RANBP17: variants seen among roughly 807,000 people sequenced by gnomAD.
RANBP17 encodes the protein RAN binding protein 17.
In RANBP17, 158 loss-of-function variants were observed where a neutral mutation model predicts 141.2. The observed-to-expected ratio is 1.12, with a 90% CI of 0.98 to 1.28. The LOEUF is 1.28. Ranked by LOEUF, RANBP17 falls within the 50% of genes most tolerant of loss-of-function variation. The pLI is 0.00. For missense variants in RANBP17, 1,438 were observed against 1,290.7 expected, an observed-to-expected ratio of 1.11 and a Z score of -1.75; for synonymous variants, 430 against 450.0, an observed-to-expected ratio of 0.96 and a Z score of 0.56.
intron 12 of RANBP17, among the ~76,000 whole-genome samples, chr5:170,937,592 T>A (rs2127469314): frequency 6.6e-6 from 1 of 152,346 alleles, no homozygotes; most frequent in South Asian, 2.1e-4. Context: ...TCCAGGCCAT[T>A]GCAACAACAT....
chr5:170,982,702 A>G (rs1777858376), intron 14 of RANBP17, among the ~76,000 whole-genome samples: 2 of 152,174 alleles, frequency 1.3e-5, no homozygotes, highest in Admixed American at 6.5e-5. Flanking sequence ...TCCTGTAGTG[A>G]AAGATAACAG....
chr5:171,147,745 G>A (rs1561703118), intron 14 of RANBP17, among the ~76,000 whole-genome samples: 1 of 152,132 alleles, frequency 6.6e-6, no homozygotes, highest in Non-Finnish European at 1.5e-5. Flanking sequence ...CTAAAGAAAG[G>A]TAAAATTTTT....
At chr5:171,032,805 T>C (rs564723827) in intron 14 of RANBP17, among the ~76,000 whole-genome samples, 4 of 152,218 alleles carry the variant, frequency 2.6e-5, no homozygotes, top group South Asian at 4.1e-4. Flanking sequence ...TAAAACTAAA[T>C]AGACACAAGA....
intron 14 of RANBP17, among the ~76,000 whole-genome samples, chr5:170,973,943 C>A (rs1233195643): frequency 6.6e-6 from 1 of 152,176 alleles, no homozygotes; most frequent in African/African-American, 2.4e-5. Context: ...AAAGGCCCTA[C>A]CTCTTAATAT....
chr5:171,221,393 A>G (rs192374658), intron 21 of RANBP17, among the ~76,000 whole-genome samples: 31 of 152,298 alleles, frequency 2.0e-4, no homozygotes, highest in Middle Eastern at 3.4e-3. Context: ...AATATATATC[A>G]TTATCCAAGT....
rs564121099 is a variant in RANBP17, at chr5:171,252,529, C to T, written c.2776+9709C>T. On this transcript the variant is annotated intron_variant, in intron 24 of 27. Transcript: ENST00000523189. ...TTACTGTGAAGAGTGTCGCAGCAAA[C>T]AGGAAGCACACAAACGGAGGAAAGT... is the stretch of plus-strand genomic sequence containing the variant. 26 of 1,418,166 alleles carry T rather than the reference C, an allele frequency of 1.8e-5. No homozygotes were observed. In the African/African-American group the frequency reaches 3.0e-4, roughly 16 times the overall value. The allele number at this position is 1,418,166 out of a possible 1,614,324, so 87.8% of individuals were successfully genotyped here.
rs74291522 is a variant in RANBP17, at chr5:170,987,641, C to A, written c.1710+19264C>A. On this transcript the variant is annotated intron_variant, in intron 14 of 27. Transcript: ENST00000523189. ...AAACACACATTTTATACCTGCTTAA[C>A]AGAAAGTTGAGCAAATAATTAGACT... Among the ~76,000 whole-genome samples the A allele has an allele frequency of 9.8e-3, 1,491 of 151,692 alleles. 61 individuals are homozygous for A. The highest frequency in any genetic ancestry group is 0.079 in the East Asian group (410 of 5,172).
intron 25 of RANBP17, among the ~76,000 whole-genome samples, chr5:171,290,413 T>C (rs940100508): frequency 6.6e-6 from 1 of 151,542 alleles, no homozygotes; most frequent in Non-Finnish European, 1.5e-5. Flanking sequence ...TGACACAGCG[T>C]ATTTGGGTAG....
intron 14 of RANBP17, among the ~76,000 whole-genome samples, chr5:171,000,002 G>A (rs1243680297): frequency 6.6e-6 from 1 of 152,150 alleles, no homozygotes; most frequent in Non-Finnish European, 1.5e-5. Flanking sequence ...TGGTATTAGT[G>A]TGCTTGTGAC....
chr5:171,075,352 A>G (rs906521790), intron 14 of RANBP17, among the ~76,000 whole-genome samples: 1 of 152,234 alleles, frequency 6.6e-6, no homozygotes, highest in African/African-American at 2.4e-5. Flanking sequence ...TAAGTGTGCC[A>G]ACTTGATTAA....
rs139428748 is a variant in RANBP17, at chr5:171,195,826, A to G, written c.2039-3844A>G. Among the ~76,000 whole-genome samples, 853 of 152,316 alleles carry G rather than the reference A, an allele frequency of 5.6e-3. 9 individuals carry two copies. The highest frequency in any genetic ancestry group is 0.02 in the African/African-American group (813 of 41,558). ...CTCTGCTCACATGTAAAATGAAGAA[A>G]ATCGTACAACTTCATGAGATTGTTC... On this transcript the variant is annotated intron_variant, in intron 18 of 27. Transcript: ENST00000523189.
intron 14 of RANBP17, among the ~76,000 whole-genome samples, chr5:171,083,492 T>C (rs1462095454): frequency 6.6e-6 from 1 of 152,230 alleles, no homozygotes; most frequent in East Asian, 1.9e-4. Context: ...TATGGTATTC[T>C]GTTACAGCAG....
intron 12 of RANBP17, among the ~76,000 whole-genome samples, chr5:170,925,854 A>G (rs1178744621): frequency 6.6e-6 from 1 of 152,190 alleles, no homozygotes; most frequent in African/African-American, 2.4e-5. Flanking sequence ...ATGACAGCTC[A>G]TACTGATGCA....
chr5:171,055,830 G>A (rs377507054), intron 14 of RANBP17, among the ~76,000 whole-genome samples: 4 of 132,040 alleles, frequency 3.0e-5, no homozygotes, highest in South Asian at 2.4e-4. Flanking sequence ...CATGCTATTC[G>A]AGTCAAAGCC....
intron 19 of RANBP17, among the ~76,000 whole-genome samples, chr5:171,201,482 C>T (rs931487852): frequency 2.0e-5 from 3 of 152,218 alleles, no homozygotes; most frequent in African/African-American, 7.2e-5. Flanking sequence ...CAGTGCACTC[C>T]GTGCTTCCGT....
intron 3 of RANBP17, among the ~76,000 whole-genome samples, chr5:170,891,840 C>T (rs368502137): frequency 6.6e-6 from 1 of 152,312 alleles, no homozygotes; most frequent in East Asian, 1.9e-4. Flanking sequence ...CAAACCATAT[C>T]AGCCTGGTTT....
chr5:171,262,672 A>C (rs1405836693), intron 24 of RANBP17, among the ~76,000 whole-genome samples: 1 of 152,182 alleles, frequency 6.6e-6, no homozygotes, highest in African/African-American at 2.4e-5. Flanking sequence ...TCTTTTAGCT[A>C]CTCAAAAATA....
chr5:171,088,795 C>T (rs1453812583), intron 14 of RANBP17, among the ~76,000 whole-genome samples: 4 of 152,134 alleles, frequency 2.6e-5, no homozygotes, highest in Non-Finnish European at 5.9e-5. Context: ...AGTTCTCGAG[C>T]CTTGGTTTTC....
At chr5:171,039,660 C>CAA (rs1239273800) in intron 14 of RANBP17, among the ~76,000 whole-genome samples, 1 of 151,800 alleles carries the variant, frequency 6.6e-6, no homozygotes, top group Middle Eastern at 3.2e-3. Context: ...AGAGAAGATC[C>CAA]AAATAAGTAC....
Sources: allele counts gnomAD v4.1 joint callset (sites outside exome capture counted in the v4.1 genomes callset), GRCh38; gene constraint gnomAD v4.1.1; transcripts MANE v1.5; gene names NCBI Gene and HGNC (gene_info 2026-07-23, HGNC 2026-07-21).